Variants in CACNB2 observed in about 807,000 individuals in gnomAD.
The protein encoded by CACNB2 is calcium voltage-gated channel auxiliary subunit beta 2, also known as voltage-dependent L-type calcium channel subunit beta-2.
Under a neutral mutation model 73.3 loss-of-function variants are expected in CACNB2, and 42 were observed. The observed-to-expected ratio is 0.57, with a 90% CI of 0.45 to 0.74. The LOEUF is 0.74. CACNB2 is among the 30% of genes least tolerant of loss of function. CACNB2 has a pLI of 0.00. For missense variants in CACNB2, 940 were observed against 853.0 expected (o/e 1.10, Z -1.27); for synonymous variants, 348 against 310.3 (o/e 1.12, Z -1.28).
In CACNB2 at chr10:18,541,033, G is replaced by GTATT. The variant is rs1275491729; in HGVS notation, c.*1311_*1314dup. 5 of 102,722 alleles carry GTATT rather than the reference G, an allele frequency of 4.9e-5. No homozygotes were observed. The highest frequency in any genetic ancestry group is 6.9e-5 in the African/African-American group (2 of 29,176). The allele number at this position is 102,722 out of a possible 1,614,324, so 6.4% of individuals were successfully genotyped here. On this transcript the variant is annotated 3_prime_UTR_variant, in exon 14 of 14. Transcript: ENST00000324631. ...AAATGTACAATCTTTGTGTGTTAGA[G>GTATT]TATTTGTTTTAGTAAGAAATGTTTA...
intron 10 of CACNB2, chr10:18,533,232 T>C (rs918034179): frequency 6.6e-6 from 1 of 152,232 alleles, no homozygotes. Context: ...TGCCTAGTAA[T>C]AGTAGCTTCT....
chr10:18,400,869 C>G (rs1157538973), intron 2 of CACNB2: 8 of 1,519,584 alleles, frequency 5.3e-6, no homozygotes, highest in Admixed American at 2.1e-5. Flanking sequence ...GATGGGAGTC[C>G]TCTGGGGCAG....
chr10:18,457,345 C>G (rs990766718), intron 3 of CACNB2, among the ~76,000 whole-genome samples: 1 of 152,096 alleles, frequency 6.6e-6, no homozygotes, highest in Admixed American at 6.5e-5. Context: ...CTGCCTTAGC[C>G]TCCCAAAGTG....
intron 3 of CACNB2, among the ~76,000 whole-genome samples, chr10:18,489,852 G>A (rs1046628866): frequency 1.3e-5 from 2 of 152,110 alleles, no homozygotes; most frequent in African/African-American, 2.4e-5. Context: ...TGGAGACACA[G>A]TGTTGAACAA....
intron 3 of CACNB2, among the ~76,000 whole-genome samples, chr10:18,424,580 C>T (rs1487792710): frequency 6.6e-6 from 1 of 152,182 alleles, no homozygotes. Flanking sequence ...CTACCTCAAC[C>T]CCCTCTATCA....
At chr10:18,505,259 A>C (rs2050426721) in intron 5 of CACNB2, among the ~76,000 whole-genome samples, 1 of 151,960 alleles carries the variant, frequency 6.6e-6, no homozygotes, top group East Asian at 1.9e-4. Context: ...AAAAAAAAAA[A>C]CTTCTGGGGA....
At chr10:18,211,323 A>G (rs1242162723) in intron 2 of CACNB2, among the ~76,000 whole-genome samples, 2 of 152,202 alleles carry the variant, frequency 1.3e-5, no homozygotes, top group African/African-American at 4.8e-5. Context: ...TTTGAAATGC[A>G]TAATTCCCCA....
intron 12 of CACNB2, 47 bp downstream of exon 12, chr10:18,536,243 CT>C (rs904187820): frequency 0.013 from 3,705 of 281,300 alleles, no homozygotes; most frequent in South Asian, 0.029. Context: ...GAGATCAGAC[CT>C]TTTTTTTTTT....
At chr10:18,362,471 A>T (rs1291629221) in intron 2 of CACNB2, among the ~76,000 whole-genome samples, 1 of 152,126 alleles carries the variant, frequency 6.6e-6, no homozygotes, top group East Asian at 1.9e-4. Flanking sequence ...CCAAGTGATT[A>T]TATTAGTATT....
intron 1 of CACNB2, 28 bp downstream of exon 1, chr10:18,140,884 C>T: frequency 2.5e-6 from 4 of 1,574,926 alleles, no homozygotes; most frequent in South Asian, 2.3e-5. Flanking sequence ...CCTTCTCCTT[C>T]CTTTGTGAGC....
chr10:18,460,248 C>T (rs1399793666), intron 3 of CACNB2, among the ~76,000 whole-genome samples: 1 of 151,942 alleles, frequency 6.6e-6, no homozygotes, highest in Non-Finnish European at 1.5e-5. Context: ...TAACATAAAG[C>T]ATGTTGGAAA....
At chr10:18,293,005 G>C (rs74117946) in intron 2 of CACNB2, among the ~76,000 whole-genome samples, 2 of 152,036 alleles carry the variant, frequency 1.3e-5, no homozygotes, top group Admixed American at 1.3e-4. Context: ...AAGAGATAAC[G>C]TTTACTACCT....
intron 3 of CACNB2, among the ~76,000 whole-genome samples, chr10:18,413,602 A>G (rs2044760894): frequency 1.3e-5 from 2 of 152,214 alleles, no homozygotes; most frequent in Admixed American, 1.3e-4. Context: ...TCGAAGGGTC[A>G]ACAAATCTTT....
intron 4 of CACNB2, chr10:18,498,723 G>A (rs923494236): frequency 3.1e-5 from 15 of 487,446 alleles, no homozygotes; most frequent in Non-Finnish European, 4.1e-5. Flanking sequence ...CAGAAATTGG[G>A]AACTGCTAGA....
At chr10:18,165,739 C>A (rs2032808095) in intron 2 of CACNB2, among the ~76,000 whole-genome samples, 1 of 152,152 alleles carries the variant, frequency 6.6e-6, no homozygotes, top group African/African-American at 2.4e-5. Flanking sequence ...TCTGAATAAC[C>A]TGTACAGGAA....
At chr10:18,193,146 A>G (rs1476449117) in intron 2 of CACNB2, among the ~76,000 whole-genome samples, 2 of 152,186 alleles carry the variant, frequency 1.3e-5, no homozygotes, top group East Asian at 1.9e-4. Context: ...TAGCATATCC[A>G]TCACCTCAAA....
At chr10:18,272,252 G>T (rs577948003) in intron 2 of CACNB2, among the ~76,000 whole-genome samples, 3 of 152,244 alleles carry the variant, frequency 2.0e-5, no homozygotes, top group African/African-American at 7.2e-5. Context: ...TTAGAACAAA[G>T]GCTTCTTAAT....
At chr10:18,241,717 G>A (rs2036658347) in intron 2 of CACNB2, among the ~76,000 whole-genome samples, 2 of 151,974 alleles carry the variant, frequency 1.3e-5, no homozygotes, top group African/African-American at 4.8e-5. Flanking sequence ...GTCAACCTGG[G>A]CAATTTAGAT....
intron 2 of CACNB2, among the ~76,000 whole-genome samples, chr10:18,279,779 A>C (rs943852744): frequency 6.6e-6 from 1 of 152,216 alleles, no homozygotes; most frequent in Non-Finnish European, 1.5e-5. Flanking sequence ...GAGCTAAAGA[A>C]AACAATTTTC....
Sources: allele counts gnomAD v4.1 joint callset (sites outside exome capture counted in the v4.1 genomes callset), GRCh38; gene constraint gnomAD v4.1.1; transcripts MANE v1.5; gene names NCBI Gene and HGNC (gene_info 2026-07-23, HGNC 2026-07-21).